GRID1: variants seen among roughly 807,000 people sequenced by gnomAD.
GRID1 encodes glutamate receptor ionotropic, delta-1.
A neutral mutation model predicts 98.0 loss-of-function variants in GRID1; 28 were observed. The ratio of observed to expected loss-of-function variants is 0.29; its 90% CI spans 0.21 to 0.39. GRID1 has a LOEUF of 0.39. Among genes scored for constraint, GRID1 ranks in the 10% least tolerant of loss-of-function variants. The probability of loss-of-function intolerance (pLI) is 1.00; values close to 1 mark genes in which losing one functional copy is unlikely to be tolerated. For missense variants in GRID1, 1,111 were observed against 1,340.5 expected (o/e 0.83, Z 2.67); for synonymous variants, 553 against 538.5 (o/e 1.03, Z -0.37).
chr10:86,296,542 C>T (rs1847591726), intron 2 of GRID1, among the ~76,000 whole-genome samples: 1 of 152,074 alleles, frequency 6.6e-6, no homozygotes, highest in Non-Finnish European at 1.5e-5. Context: ...AGTTCAAGAC[C>T]AGCCTGGCCA....
intron 2 of GRID1, among the ~76,000 whole-genome samples, chr10:86,322,643 T>G (rs1847986755): frequency 6.6e-6 from 1 of 151,870 alleles, no homozygotes; most frequent in Non-Finnish European, 1.5e-5. Flanking sequence ...ACTCCTGACC[T>G]CAGGTGATCC....
intron 6 of GRID1, among the ~76,000 whole-genome samples, chr10:85,868,715 A>G (rs1440404808): frequency 6.6e-6 from 1 of 152,218 alleles, no homozygotes; most frequent in Non-Finnish European, 1.5e-5. Context: ...ATTCCCACAA[A>G]GAAGTCATCA....
At chr10:86,021,765 G>A (rs895848294) in intron 4 of GRID1, among the ~76,000 whole-genome samples, 6 of 152,024 alleles carry the variant, frequency 3.9e-5, no homozygotes, top group East Asian at 1.9e-4. Flanking sequence ...ATTCACCTGC[G>A]TAGTATATTC....
chr10:86,345,003 G>A (rs891358107), intron 2 of GRID1, among the ~76,000 whole-genome samples: 17 of 152,152 alleles, frequency 1.1e-4, no homozygotes, highest in Non-Finnish European at 1.5e-4. Context: ...GCATTTTTTT[G>A]TGGTTCCCTG....
intron 4 of GRID1, among the ~76,000 whole-genome samples, chr10:86,042,671 G>A (rs2131899937): frequency 6.6e-6 from 1 of 152,308 alleles, no homozygotes; most frequent in South Asian, 2.1e-4. Flanking sequence ...GGAGGAGGTG[G>A]TGGCCCTGCC....
chr10:85,684,359 C>A lies in GRID1; in HGVS notation c.1998-36962G>T, dbSNP rs368215765. ...GCTTGTAAATATAGAGATAAAAACC[C>A]TAAACAAAATATTAAGAAAATTAAT... On this transcript the variant is annotated intron_variant, in intron 12 of 15. Coordinates refer to ENST00000327946, the MANE Select transcript of GRID1 (RefSeq NM_017551.3). Among the ~76,000 whole-genome samples the A allele has an allele frequency of 9.2e-5, 14 of 152,098 alleles. No homozygotes were observed. In the East Asian group the frequency reaches 1.7e-3, roughly 19 times the overall value.
intron 13 of GRID1, among the ~76,000 whole-genome samples, chr10:85,634,751 CA>C (rs1843016394): frequency 6.6e-6 from 1 of 151,896 alleles, no homozygotes; most frequent in Admixed American, 6.6e-5. Flanking sequence ...ATAAGCTAAA[CA>C]AAAATTGCCA....
intron 2 of GRID1, among the ~76,000 whole-genome samples, chr10:86,317,335 C>A (rs1235863943): frequency 6.6e-6 from 1 of 152,242 alleles, no homozygotes; most frequent in Non-Finnish European, 1.5e-5. Context: ...GCAAGACAGA[C>A]TCCTGCAGAG....
chr10:85,890,894 T>C (rs1232258061), intron 5 of GRID1, among the ~76,000 whole-genome samples: 1 of 152,204 alleles, frequency 6.6e-6, no homozygotes, highest in African/African-American at 2.4e-5. Context: ...CCTGAGTAGC[T>C]ATCTCCATAA....
chr10:85,824,431 C>T (rs1413579919), intron 8 of GRID1, among the ~76,000 whole-genome samples: 1 of 152,158 alleles, frequency 6.6e-6, no homozygotes, highest in African/African-American at 2.4e-5. Context: ...AGGCTAGTCT[C>T]GAATTCCTGG....
At chr10:86,062,315 G>A (rs1361613238) in intron 4 of GRID1, among the ~76,000 whole-genome samples, 1 of 151,958 alleles carries the variant, frequency 6.6e-6, no homozygotes, top group African/African-American at 2.4e-5. Context: ...GAGGGTGAGG[G>A]TATGATGGCC....
intron 13 of GRID1, among the ~76,000 whole-genome samples, chr10:85,639,909 T>C (rs1354393218): frequency 3.3e-5 from 5 of 152,164 alleles, no homozygotes; most frequent in South Asian, 2.1e-4. Flanking sequence ...TTCTAACATA[T>C]AGTAGATGCT....
intron 8 of GRID1, among the ~76,000 whole-genome samples, chr10:85,780,426 G>A (rs1365218041): frequency 1.3e-5 from 2 of 152,192 alleles, no homozygotes; most frequent in African/African-American, 4.8e-5. Context: ...GTTACAGAGA[G>A]CCCTGTTTCT....
chr10:86,106,343 G>A (rs1470497836), intron 4 of GRID1, among the ~76,000 whole-genome samples: 1 of 152,172 alleles, frequency 6.6e-6, no homozygotes, highest in Non-Finnish European at 1.5e-5. Context: ...AACCACACAG[G>A]AAATGTTTAT....
intron 4 of GRID1, among the ~76,000 whole-genome samples, chr10:86,130,754 A>G (rs981617397): frequency 6.6e-5 from 10 of 152,186 alleles, no homozygotes; most frequent in African/African-American, 2.4e-4. Flanking sequence ...CCAGACAAGG[A>G]TCTGAGTACC....
chr10:85,651,802 G>A (rs1843274404), intron 12 of GRID1, among the ~76,000 whole-genome samples: 1 of 152,182 alleles, frequency 6.6e-6, no homozygotes, highest in South Asian at 2.1e-4. Flanking sequence ...TGTATCACTT[G>A]AGCCTCACTT....
chr10:86,327,000 G>C (rs952833000), intron 2 of GRID1, among the ~76,000 whole-genome samples: 1 of 152,086 alleles, frequency 6.6e-6, no homozygotes, highest in East Asian at 1.9e-4. Context: ...AGCCAGACAT[G>C]GTGGCAGCGA....
intron 13 of GRID1, among the ~76,000 whole-genome samples, chr10:85,633,503 C>T (rs2132537394): frequency 6.6e-6 from 1 of 152,290 alleles, no homozygotes; most frequent in Non-Finnish European, 1.5e-5. Flanking sequence ...GCAGCTTCCT[C>T]TTAAAGTCTC....
chr10:86,234,539 T>C (rs919259580), intron 2 of GRID1, among the ~76,000 whole-genome samples: 3 of 152,208 alleles, frequency 2.0e-5, no homozygotes, highest in African/African-American at 7.2e-5. Flanking sequence ...GCTTCAAATA[T>C]CTACAAAAAC....
Sources: allele counts gnomAD v4.1 joint callset (sites outside exome capture counted in the v4.1 genomes callset), GRCh38; gene constraint gnomAD v4.1.1; transcripts MANE v1.5; gene names NCBI Gene and HGNC (gene_info 2026-07-23, HGNC 2026-07-21).